TNRC6A: variants seen among roughly 807,000 people sequenced by gnomAD.
The protein encoded by TNRC6A is trinucleotide repeat-containing gene 6A protein.
Under a neutral mutation model 221.2 loss-of-function variants are expected in TNRC6A, and 44 were observed. That is an observed-to-expected ratio of 0.20 (90% CI 0.16 to 0.26). The LOEUF (loss-of-function observed/expected upper bound fraction) is 0.26, where lower values mean the gene tolerates loss of function less well. TNRC6A is among the 10% of genes least tolerant of loss of function. The pLI is 1.00. For missense variants in TNRC6A, 2,199 were observed against 2,404.4 expected (o/e 0.91, Z 1.79); for synonymous variants, 847 against 838.5 (o/e 1.01, Z -0.18).
rs775513287 is a variant in TNRC6A, at chr16:24,790,771, G to A, written c.2129G>A (p.Arg710Lys). 1 of 1,614,132 alleles carries A rather than the reference G, an allele frequency of 6.2e-7. No homozygotes were observed. ...ACATTACTCCAAAGCATTGTAAACA[G>A]AACTGACTTAGATCCACGTGTCCTG... ...QHTLLQSIVN[R>K]TDLDPRVLSN... Residue 710 changes from arginine to lysine, a missense_variant, in exon 6 of 25, where the codon AGA (arginine) becomes AAA (lysine). Physicochemically the swap from Arg to Lys is conservative, Grantham distance 26. Coordinates refer to ENST00000395799, the MANE Select transcript of TNRC6A (RefSeq NM_014494.4).
chr16:24,652,852 C>T (rs1442598298), intron 2 of TNRC6A, among the ~76,000 whole-genome samples: 2 of 152,110 alleles, frequency 1.3e-5, no homozygotes, highest in East Asian at 1.9e-4. Context: ...ATGGATTGAT[C>T]GTTTAATCCT....
chr16:24,822,217 A>G lies in TNRC6A; in HGVS notation c.5373+70A>G, dbSNP rs2058779741. ...CATGGGAACAGAGGTTCGGGTCTGT[A>G]TGTGAGACAAGGGCTGCTAGGTGGT... On this transcript the variant is annotated intron_variant, in intron 23 of 24. Coordinates refer to ENST00000395799, the MANE Select transcript of TNRC6A (RefSeq NM_014494.4). 10 of 1,492,902 alleles carry G rather than the reference A, an allele frequency of 6.7e-6. No homozygotes were observed. In the South Asian group the frequency reaches 1.0e-4, roughly 15 times the overall value. 92.5% of individuals were successfully genotyped at this position (1,492,902 alleles called of 1,614,324 possible).
intron 1 of TNRC6A, among the ~76,000 whole-genome samples, chr16:24,628,192 G>T (rs1445753329): frequency 6.6e-6 from 1 of 151,724 alleles, no homozygotes; most frequent in Non-Finnish European, 1.5e-5. Context: ...GCCAAGGCGG[G>T]TGGATCACCT....
intron 4 of TNRC6A, among the ~76,000 whole-genome samples, chr16:24,766,713 G>T (rs1596652410): frequency 8.8e-6 from 1 of 113,330 alleles, no homozygotes; most frequent in East Asian, 2.6e-4. Flanking sequence ...GTCTCACTCT[G>T]TCGCCCACGC....
intron 2 of TNRC6A, among the ~76,000 whole-genome samples, chr16:24,706,528 G>T (rs904434811): frequency 4.0e-5 from 6 of 151,852 alleles, no homozygotes; most frequent in Non-Finnish European, 8.8e-5. Flanking sequence ...TGTCTAACAC[G>T]GTGAAACCCC....
chr16:24,624,280 T>G (rs1596549222), intron 1 of TNRC6A, among the ~76,000 whole-genome samples: 1 of 152,132 alleles, frequency 6.6e-6, no homozygotes, highest in East Asian at 1.9e-4. Context: ...GACATCCCAT[T>G]GGGTCACAGC....
In TNRC6A at chr16:24,678,266, G is replaced by A. The variant is rs563054794; in HGVS notation, n.402+37257G>A. On this transcript the variant is annotated intron_variant and non_coding_transcript_variant, in intron 2 of 2. Coordinates refer to the TNRC6A transcript ENST00000566108. Reference sequence around the variant, plus strand: ...GCAGAGGTTGCAGTGAGTTGAGATCGTGCCACTACACTCCAGCCTAGGCAA... The same window carrying A: ...GCAGAGGTTGCAGTGAGTTGAGATCATGCCACTACACTCCAGCCTAGGCAA... Among the ~76,000 whole-genome samples the A allele has an allele frequency of 8.0e-5, 12 of 149,900 alleles. No homozygotes were observed. The East Asian group carries it at 9.8e-4, about 12-fold the overall frequency.
At chr16:24,724,777 A>T (rs773776395), upstream of TNRC6A, among the ~76,000 whole-genome samples, 4 of 152,108 alleles carry the variant, frequency 2.6e-5, no homozygotes, top group Non-Finnish European at 5.9e-5. Flanking sequence ...AATTCTCTCC[A>T]GGAACTCATA....
At chr16:24,761,326 C>A (rs1053094314) in intron 4 of TNRC6A, among the ~76,000 whole-genome samples, 1 of 152,162 alleles carries the variant, frequency 6.6e-6, no homozygotes, top group African/African-American at 2.4e-5. Flanking sequence ...TTTAAAAAAT[C>A]TTTTAAAATA....
intron 3 of TNRC6A, among the ~76,000 whole-genome samples, chr16:24,755,163 G>A (rs2057222796): frequency 1.3e-5 from 2 of 152,154 alleles, no homozygotes; most frequent in South Asian, 2.1e-4. Flanking sequence ...TCTAGACTGA[G>A]TGCTGATTGC....
At chr16:24,688,418 C>A (rs924486016) in intron 2 of TNRC6A, among the ~76,000 whole-genome samples, 31 of 152,304 alleles carry the variant, frequency 2.0e-4, no homozygotes, top group Non-Finnish European at 1.9e-4. Flanking sequence ...CCTCTCCACC[C>A]TTCTGGAGCC....
intron 1 of TNRC6A, among the ~76,000 whole-genome samples, chr16:24,635,941 G>A (rs1399167108): frequency 1.3e-5 from 2 of 152,198 alleles, no homozygotes; most frequent in African/African-American, 2.4e-5. Flanking sequence ...GGATGATGCC[G>A]TTGATCTGAG....
Position 24,758,204 on chromosome 16 carries a change from T to C in TNRC6A, c.142-135T>C, listed in dbSNP as rs1353874909. The C allele has an allele frequency of 9.8e-6, 8 of 817,586 alleles. No individual in the cohort carries two copies. In the Admixed American group the frequency reaches 1.8e-4, roughly 19 times the overall value. 50.6% of individuals were successfully genotyped at this position (817,586 alleles called of 1,614,324 possible). A position where few individuals can be genotyped will look rare whatever the true frequency, so the allele number is the denominator to read the frequency against. Reference sequence around the variant, plus strand: ...TCCTTGCATATCTTTTCCTGTGCAGTTCATCTATTTGAGAAATTCCTTGTT... The same window carrying C: ...TCCTTGCATATCTTTTCCTGTGCAGCTCATCTATTTGAGAAATTCCTTGTT... On this transcript the variant is annotated intron_variant, in intron 3 of 24. Transcript: ENST00000395799.
Position 24,675,337 on chromosome 16 carries a change from T to C in TNRC6A, n.402+34328T>C, listed in dbSNP as rs1179801112. Among the ~76,000 whole-genome samples, 3 of 151,966 alleles carry C rather than the reference T, an allele frequency of 2.0e-5. No individual in the cohort carries two copies. The East Asian group carries it at 5.8e-4, about 29-fold the overall frequency. ...ATTCTTAGATAGTACGTGCCTGAAT[T>C]TCCTAAGATTTCAGGCTGCCGAAGG... On this transcript the variant is annotated intron_variant and non_coding_transcript_variant, in intron 2 of 2. Transcript: ENST00000566108.
At chr16:24,782,922 C>A (rs1387227925) in intron 5 of TNRC6A, among the ~76,000 whole-genome samples, 1 of 152,110 alleles carries the variant, frequency 6.6e-6, no homozygotes, top group Non-Finnish European at 1.5e-5. Context: ...TCTCGTATTC[C>A]CAATGGTACC....
At chr16:24,699,714 G>A (rs752040759) in intron 2 of TNRC6A, among the ~76,000 whole-genome samples, 1 of 136,406 alleles carries the variant, frequency 7.3e-6, no homozygotes, top group African/African-American at 2.7e-5. Context: ...ATGGAACCCT[G>A]TCTCTACCAA....
chr16:24,806,885 C>T, intron 17 of TNRC6A, 101 bp downstream of exon 17: 1 of 1,130,324 alleles, frequency 8.8e-7, no homozygotes, highest in Non-Finnish European at 1.3e-6. Flanking sequence ...ATGAAAGCTA[C>T]ATTGATCTCT....
intron 12 of TNRC6A, 30 bp downstream of exon 12, chr16:24,804,349 G>A: frequency 1.2e-5 from 20 of 1,603,042 alleles, no homozygotes; most frequent in Non-Finnish European, 1.7e-5. Context: ...CCTCTGACTT[G>A]ATAAACCAGT....
Position 24,794,853 on chromosome 16 carries a change from T to A in TNRC6A, c.3528+134T>A, listed in dbSNP as rs12599552. 0.048 allele frequency: 31,668 copies of A among 660,758 alleles called. 3,420 individuals are homozygous for A. The highest frequency in any genetic ancestry group is 0.36 in the East Asian group (11,786 of 32,322). The allele number at this position is 660,758 out of a possible 1,614,324, so 40.9% of individuals were successfully genotyped here. ...CAGCCCCCACCTTAGGTATAGCCAC[T>A]TGTATGGGCAGCCACCTAGAGAAAC... On this transcript the variant is annotated intron_variant, in intron 8 of 24. Transcript: ENST00000395799.
Sources: gnomAD v4.1 joint callset for allele counts (sites outside exome capture counted in the v4.1 genomes callset) on GRCh38, gnomAD v4.1.1 for gene constraint, MANE v1.5 for transcripts, NCBI Gene and HGNC (gene_info 2026-07-23, HGNC 2026-07-21) for gene names.